The following TP53BP1 variants were observed in gnomAD, a reference collection of about 807,000 sequenced individuals.
TP53BP1 encodes TP53-binding protein 1.
Under a neutral mutation model 200.8 loss-of-function variants are expected in TP53BP1, and 61 were observed. The ratio of observed to expected loss-of-function variants is 0.30; its 90% CI spans 0.25 to 0.38. TP53BP1 has a LOEUF of 0.38. Ranked by LOEUF, TP53BP1 falls within the 10% of genes least tolerant of loss-of-function variation. The pLI is 1.00. For missense variants in TP53BP1, 2,144 were observed against 2,371.9 expected, an observed-to-expected ratio of 0.90 and a Z score of 2.00; for synonymous variants, 822 against 844.3, an observed-to-expected ratio of 0.97 and a Z score of 0.46.
intron 13 of TP53BP1, chr15:43,446,848 A>C: frequency 7.3e-7 from 1 of 1,369,362 alleles, no homozygotes. Context: ...GCCAACCCAC[A>C]TCTGCCAGCA....
At chr15:43,489,333 T>C (rs534014448) in intron 4 of TP53BP1, among the ~76,000 whole-genome samples, 7 of 152,344 alleles carry the variant, frequency 4.6e-5, no homozygotes, top group East Asian at 1.9e-4. Flanking sequence ...TCAAATAGCA[T>C]TGCTTCATTC....
Position 43,404,286 on chromosome 15 carries a change from G to C in TP53BP1, c.*3097C>G, listed in dbSNP as rs1171116230. The C allele has an allele frequency of 1.8e-6, 2 of 1,116,884 alleles. No individual in the cohort carries two copies. Among genetic ancestry groups the C allele is most frequent in the African/African-American group, 3.1e-5 (2 of 63,642 alleles). The allele number at this position is 1,116,884 out of a possible 1,614,324, so 69.2% of individuals were successfully genotyped here. A position where few individuals can be genotyped will look rare whatever the true frequency, so the allele number is the denominator to read the frequency against. ...GGAACTAATAGAAATAGGAATGTGG[G>C]AAGGCCAGGTGGTTCTGTAGAATTT... On this transcript the variant is annotated 3_prime_UTR_variant, in exon 28 of 28. Coordinates refer to ENST00000382044, the MANE Select transcript of TP53BP1 (RefSeq NM_001141980.3).
At chr15:43,446,362 T>C (rs746716126) in intron 14 of TP53BP1, 25 bp downstream of exon 14, 2 of 1,586,300 alleles carry the variant, frequency 1.3e-6, no homozygotes, top group South Asian at 1.1e-5. Context: ...AGCTACTAAT[T>C]ACCCAAGATT....
intron 24 of TP53BP1, chr15:43,412,819 AAC>A (rs1313521057): frequency 1.4e-5 from 7 of 506,914 alleles, no homozygotes; most frequent in Non-Finnish European, 2.4e-5. Flanking sequence ...GGACAAAAAA[AAC>A]ACAATTATTT....
At position 43,479,292 on chromosome 15, in the gene TP53BP1, T is replaced by C. The variant is rs1227945566; in HGVS notation, c.788+105A>G. On this transcript the variant is annotated intron_variant, in intron 7 of 27. Transcript: ENST00000382044. ...AAGTATGCCCAGTACAAGGGGAAAATAATTTAAAAATCAACAATTTCTAAA... is the reference window on the plus strand; with the variant it reads ...AAGTATGCCCAGTACAAGGGGAAAACAATTTAAAAATCAACAATTTCTAAA... 6.3e-6 allele frequency: 8 copies of C among 1,271,034 alleles called. No individual in the cohort carries two copies. The Admixed American group carries it at 1.5e-4, about 24-fold the overall frequency. 78.7% of individuals were successfully genotyped at this position (1,271,034 alleles called of 1,614,324 possible). A position where few individuals can be genotyped will look rare whatever the true frequency, so the allele number is the denominator to read the frequency against.
intron 11 of TP53BP1, among the ~76,000 whole-genome samples, chr15:43,462,527 G>C (rs976480916): frequency 5.9e-5 from 9 of 151,948 alleles, no homozygotes; most frequent in African/African-American, 2.2e-4. Context: ...ATGTTGCCCA[G>C]GCTGCTGTCA....
intron 20 of TP53BP1, 48 bp downstream of exon 20, chr15:43,420,977 C>T: frequency 6.3e-7 from 1 of 1,578,480 alleles, no homozygotes; most frequent in East Asian, 2.2e-5. Context: ...CCTCCATTCC[C>T]TTGTTTTCTG....
intron 4 of TP53BP1, among the ~76,000 whole-genome samples, chr15:43,484,072 T>C (rs935425833): frequency 3.2e-4 from 48 of 152,308 alleles, no homozygotes; most frequent in Middle Eastern, 3.4e-3. Context: ...GTTGAAAAGA[T>C]AGCACAATGT....
Position 43,456,944 on chromosome 15 carries a change from G to C in TP53BP1, c.1664C>G (p.Pro555Arg), listed in dbSNP as rs1566945823. 1.2e-6 allele frequency: 2 copies of C among 1,614,104 alleles called. No homozygotes were observed. Among genetic ancestry groups the C allele is most frequent in the Non-Finnish European group, 1.7e-6 (2 of 1,180,036 alleles). The stretch of plus-strand genomic sequence containing the variant: ...TTTAGAATTGAGAACTGGAGACATG[G>C]GTTCCGTATCCTCAATCTGTGTGTT... ...GENTQIEDTE[P>R]MSPVLNSKFV... is the part of the protein sequence containing the mutation. Residue 555 changes from proline (P) to arginine (R), a missense_variant, in exon 12 of 28, where the codon CCC (proline) becomes CGC (arginine). This residue lies in a region of TP53BP1 where 1,700 missense variants were observed against 1,710.3 expected (regional missense o/e 0.99). Transcript: ENST00000382044.
intron 16 of TP53BP1, among the ~76,000 whole-genome samples, chr15:43,433,685 C>A (rs1459413888): frequency 6.6e-6 from 1 of 152,176 alleles, no homozygotes; most frequent in Non-Finnish European, 1.5e-5. Flanking sequence ...TAAAAGGAAT[C>A]CATTCTGAAC....
Position 43,406,840 on chromosome 15 carries a change from T to TCGTTCTCCCTTTAG in TP53BP1, c.*529_*542dup. ...TGTCCCTTCATGGCAGTTGGTCCTTTCGTTCTCCCTTTAGCTCTAAGAGTT... is the reference window on the plus strand; with the variant it reads ...TGTCCCTTCATGGCAGTTGGTCCTTTCGTTCTCCCTTTAGCGTTCTCCCTTTAGCTCTAAGAGTT... On this transcript the variant is annotated 3_prime_UTR_variant, in exon 28 of 28. Coordinates refer to ENST00000382044, the MANE Select transcript of TP53BP1 (RefSeq NM_001141980.3). The TCGTTCTCCCTTTAG allele has an allele frequency of 6.2e-6, 2 of 324,098 alleles. No homozygotes were observed. The highest frequency in any genetic ancestry group is 5.4e-5 in the South Asian group (2 of 36,842). 20.1% of individuals were successfully genotyped at this position (324,098 alleles called of 1,614,324 possible). A position where few individuals can be genotyped will look rare whatever the true frequency, so the allele number is the denominator to read the frequency against.
intron 1 of TP53BP1, among the ~76,000 whole-genome samples, chr15:43,507,684 T>G (rs1024472430): frequency 3.9e-5 from 6 of 152,168 alleles, no homozygotes; most frequent in Non-Finnish European, 7.3e-5. Context: ...TATAAAATTC[T>G]GGGACACAGA....
chr15:43,421,768 C>T, intron 19 of TP53BP1, 87 bp downstream of exon 19: 1 of 1,494,068 alleles, frequency 6.7e-7, no homozygotes, highest in Non-Finnish European at 9.1e-7. Flanking sequence ...TGGGGGATTT[C>T]CCATTACTCC....
rs142987994 is a variant in TP53BP1 at position 43,432,625 on chromosome 15, A to G, written c.3244T>C (p.Leu1082=). 2 of 1,610,724 alleles carry G rather than the reference A, an allele frequency of 1.2e-6. No homozygotes were observed. Among genetic ancestry groups the G allele is most frequent in the Non-Finnish European group, 1.7e-6 (2 of 1,177,496 alleles). The change falls in exon 17 of 28, where the codon TTG becomes CTG. Residue 1082 remains leucine, a synonymous_variant. Coordinates refer to ENST00000382044, the MANE Select transcript of TP53BP1 (RefSeq NM_001141980.3). ...TGCCTGATTGTATGGTCACCCTCCA[A>G]TTTTTCTTTCTCCTCTTCTCCTTGA... The part of the protein sequence containing the change: ...SSQGEEEKEK[L]EGDHTIRQSQ...
chr15:43,473,089 T>C (rs1036116123), intron 10 of TP53BP1, among the ~76,000 whole-genome samples: 10 of 152,116 alleles, frequency 6.6e-5, no homozygotes, highest in Admixed American at 3.9e-4. Context: ...GAGTTGTTCG[T>C]TCCTCCCAGT....
intron 10 of TP53BP1, among the ~76,000 whole-genome samples, chr15:43,471,327 A>G (rs1024634636): frequency 4.6e-5 from 7 of 152,254 alleles, no homozygotes; most frequent in East Asian, 1.9e-4. Flanking sequence ...AGTTGTAGCT[A>G]TATCTGGAGT....
intron 1 of TP53BP1, among the ~76,000 whole-genome samples, chr15:43,504,700 A>C (rs1023807608): frequency 1.3e-5 from 2 of 152,240 alleles, no homozygotes; most frequent in Admixed American, 6.5e-5. Flanking sequence ...CAAGTGGTTC[A>C]GACTGACTGA....
intron 7 of TP53BP1, among the ~76,000 whole-genome samples, chr15:43,478,606 C>T (rs890996174): frequency 6.6e-6 from 1 of 152,110 alleles, no homozygotes; most frequent in Non-Finnish European, 1.5e-5. Flanking sequence ...ATAAAAATCA[C>T]GAGAGATGAA....
intron 16 of TP53BP1, among the ~76,000 whole-genome samples, chr15:43,437,592 G>A (rs1174963521): frequency 6.6e-6 from 1 of 152,142 alleles, no homozygotes; most frequent in East Asian, 1.9e-4. Context: ...TCCAGCCTGG[G>A]TGACAGAGTG....
Sources: gnomAD v4.1 joint callset for allele counts (sites outside exome capture counted in the v4.1 genomes callset) on GRCh38, gnomAD v4.1.1 for gene constraint, gnomAD v4.1.1 regional missense constraint, MANE v1.5 for transcripts, NCBI Gene and HGNC (gene_info 2026-07-23, HGNC 2026-07-21) for gene names.